Variants in PDE1C observed in about 807,000 individuals in gnomAD.
PDE1C encodes the protein dual specificity calcium/calmodulin-dependent 3',5'-cyclic nucleotide phosphodiesterase 1C.
In PDE1C, 62 loss-of-function variants were observed where a neutral mutation model predicts 93.1. The observed-to-expected ratio is 0.67, with a 90% CI of 0.54 to 0.82. The LOEUF (loss-of-function observed/expected upper bound fraction) is 0.82, where lower values mean the gene tolerates loss of function less well. Ranked by LOEUF, PDE1C falls within the 40% of genes least tolerant of loss-of-function variation. The pLI, the probability that PDE1C is intolerant of heterozygous loss-of-function variation, is 0.00. For missense variants in PDE1C, 742 were observed against 884.6 expected (o/e 0.84, Z 2.04); for synonymous variants, 325 against 310.1 (o/e 1.05, Z -0.50).
chr7:31,789,608 C>CT (rs1784361436), intron 16 of PDE1C: 2 of 914,266 alleles, frequency 2.2e-6, no homozygotes, highest in African/African-American at 1.8e-5. Flanking sequence ...ATAGAATAAT[C>CT]TTTTTTAGAA....
intron 3 of PDE1C, among the ~76,000 whole-genome samples, chr7:32,125,736 G>T (rs1253713288): frequency 6.6e-6 from 1 of 151,810 alleles, no homozygotes; most frequent in Non-Finnish European, 1.5e-5. Context: ...GGGGCGAGGG[G>T]AGGGAACTTA....
At chr7:31,831,081 T>G (rs1244439297) in intron 11 of PDE1C, among the ~76,000 whole-genome samples, 1 of 152,088 alleles carries the variant, frequency 6.6e-6, no homozygotes, top group Non-Finnish European at 1.5e-5. Flanking sequence ...AGGTAATATC[T>G]CAAGTGAGTC....
chr7:32,065,119 T>C (rs1027685144), intron 1 of PDE1C, among the ~76,000 whole-genome samples: 3 of 151,724 alleles, frequency 2.0e-5, no homozygotes, highest in African/African-American at 7.3e-5. Context: ...AATAGCTCCA[T>C]GTTGCATGAC....
At chr7:32,403,719 C>T (rs184380172) in intron 1 of PDE1C, among the ~76,000 whole-genome samples, 13 of 152,304 alleles carry the variant, frequency 8.5e-5, no homozygotes, top group Admixed American at 4.6e-4. Context: ...TATACCCCCA[C>T]GCTTTGGCAC....
chr7:31,699,966 C>T, the PDE1C span, among the ~76,000 whole-genome samples: 3 of 152,006 alleles, frequency 2.0e-5, no homozygotes, highest in South Asian at 6.2e-4. Context: ...TATCTCTCTC[C>T]CTCTCCCCTG....
Position 32,159,082 on chromosome 7 carries a change from T to A in PDE1C, c.308+10703A>T, listed in dbSNP as rs150164809. ...TTATACCATAGTGCCATTCAATATA[T>A]GCATCGATCTCTGTGAGGTCTGGGA... On this transcript the variant is annotated intron_variant, in intron 3 of 18. Coordinates refer to the PDE1C transcript ENST00000396193. Among the ~76,000 whole-genome samples the A allele has an allele frequency of 7.2e-5, 11 of 152,252 alleles. No homozygotes were observed. The East Asian group carries it at 1.5e-3, about 21-fold the overall frequency.
chr7:31,850,566 C>G (rs1793205468), intron 8 of PDE1C, 75 bp downstream of exon 8: 2 of 972,300 alleles, frequency 2.1e-6, no homozygotes, highest in Admixed American at 3.4e-5. Flanking sequence ...AGAAAGGTGA[C>G]TAACACCTTT....
intron 2 of PDE1C, among the ~76,000 whole-genome samples, chr7:32,023,819 G>A (rs551427963): frequency 2.4e-4 from 37 of 152,216 alleles, no homozygotes; most frequent in Admixed American, 3.9e-4. Context: ...GCACAGTAGA[G>A]AGGCTGTTGA....
intron 1 of PDE1C, among the ~76,000 whole-genome samples, chr7:32,212,667 C>G (rs1194875696): frequency 6.6e-6 from 1 of 152,164 alleles, no homozygotes; most frequent in East Asian, 1.9e-4. Flanking sequence ...CTGCTGCCTG[C>G]TAGCCTTGGT....
intron 2 of PDE1C, among the ~76,000 whole-genome samples, chr7:31,997,534 G>A (rs187366826): frequency 1.3e-5 from 2 of 152,194 alleles, no homozygotes; most frequent in African/African-American, 4.8e-5. Flanking sequence ...TGGAGAACCT[G>A]GGGGGATGGT....
intron 1 of PDE1C, among the ~76,000 whole-genome samples, chr7:32,297,693 G>A (rs1325241907): frequency 6.6e-6 from 1 of 152,182 alleles, no homozygotes; most frequent in Admixed American, 6.5e-5. Flanking sequence ...CCCTCTTGGT[G>A]AAGGGTTTTG....
chr7:31,773,718 G>C (rs916659816), intron 17 of PDE1C, among the ~76,000 whole-genome samples: 1 of 152,050 alleles, frequency 6.6e-6, no homozygotes. Flanking sequence ...CTAAATGGGA[G>C]GCTGCTCACT....
the PDE1C span, chr7:31,643,837 G>A: frequency 1.9e-6 from 3 of 1,613,914 alleles, no homozygotes; most frequent in Non-Finnish European, 2.5e-6. Context: ...GCAAAGCCCT[G>A]GCCCTGAACC....
At chr7:32,146,255 C>T (rs565067900) in intron 3 of PDE1C, among the ~76,000 whole-genome samples, 7 of 152,280 alleles carry the variant, frequency 4.6e-5, no homozygotes. Context: ...TTCCCATTGC[C>T]ACTGGAGCAA....
chr7:32,131,039 C>T (rs1029203646), intron 3 of PDE1C, among the ~76,000 whole-genome samples: 1 of 152,128 alleles, frequency 6.6e-6, no homozygotes, highest in East Asian at 1.9e-4. Context: ...TGAATCGAGA[C>T]TGACACATTC....
chr7:32,271,006 C>T (rs1257898697), intron 1 of PDE1C, among the ~76,000 whole-genome samples: 6 of 151,920 alleles, frequency 3.9e-5, no homozygotes, highest in Non-Finnish European at 7.4e-5. Flanking sequence ...GGCATGGTGA[C>T]GGGAGCCTGT....
chr7:32,094,373 A>C (rs189422265), intron 3 of PDE1C, among the ~76,000 whole-genome samples: 64 of 152,262 alleles, frequency 4.2e-4, no homozygotes, highest in African/African-American at 8.2e-4. Flanking sequence ...GGGAGGAGGG[A>C]AATTTTGTGC....
At chr7:32,111,308 G>A (rs12670847) in intron 3 of PDE1C, among the ~76,000 whole-genome samples, 18,593 of 152,126 alleles carry the variant, frequency 0.12, 1,980 homozygotes, top group African/African-American at 0.29. Flanking sequence ...CTGTTTCTGA[G>A]ACACTAAAGA....
intron 1 of PDE1C, among the ~76,000 whole-genome samples, chr7:32,244,065 C>T (rs1808735876): frequency 6.6e-6 from 1 of 152,148 alleles, no homozygotes; most frequent in Non-Finnish European, 1.5e-5. Context: ...CATTCTGACA[C>T]ATGATGGAAT....
Sources: gnomAD v4.1 joint callset for allele counts (sites outside exome capture counted in the v4.1 genomes callset) on GRCh38, gnomAD v4.1.1 for gene constraint, MANE v1.5 for transcripts, NCBI Gene and HGNC (gene_info 2026-07-23, HGNC 2026-07-21) for gene names.